The following KCNIP4 variants were observed in gnomAD, a reference collection of about 807,000 sequenced individuals.
The protein encoded by KCNIP4 is potassium voltage-gated channel interacting protein 4.
Under a neutral mutation model 34.0 loss-of-function variants are expected in KCNIP4, and 12 were observed. That is an observed-to-expected ratio of 0.35 (90% CI 0.23 to 0.57). KCNIP4 has a LOEUF of 0.57. Ranked by LOEUF, KCNIP4 falls within the 20% of genes least tolerant of loss-of-function variation. The pLI is 0.83. For missense variants in KCNIP4, 238 were observed against 311.7 expected, an observed-to-expected ratio of 0.76 and a Z score of 1.78; for synonymous variants, 124 against 102.2, an observed-to-expected ratio of 1.21 and a Z score of -1.29.
At chr4:21,860,582 A>G (rs1725014931) in intron 1 of KCNIP4, among the ~76,000 whole-genome samples, 1 of 152,180 alleles carries the variant, frequency 6.6e-6, no homozygotes, top group African/African-American at 2.4e-5. Context: ...TTGATACTTG[A>G]ACAGTGGAAT....
At chr4:20,976,768 C>A (rs961371656) in intron 1 of KCNIP4, among the ~76,000 whole-genome samples, 2 of 152,128 alleles carry the variant, frequency 1.3e-5, no homozygotes, top group Non-Finnish European at 2.9e-5. Context: ...ACTGTGGACC[C>A]ATGGTTGATC....
chr4:21,455,625 GTT>G (rs200924043), intron 1 of KCNIP4, among the ~76,000 whole-genome samples: 4 of 140,040 alleles, frequency 2.9e-5, no homozygotes, highest in African/African-American at 7.8e-5. Context: ...GAAACTGAAG[GTT>G]TTTTTTTTTT....
At chr4:21,703,338 A>G (rs572640651) in intron 1 of KCNIP4, among the ~76,000 whole-genome samples, 1 of 152,318 alleles carries the variant, frequency 6.6e-6, no homozygotes, top group African/African-American at 2.4e-5. Context: ...ATGATTTTCT[A>G]CATACAAAAC....
chr4:21,430,866 C>T (rs991965657), intron 1 of KCNIP4, among the ~76,000 whole-genome samples: 5 of 151,388 alleles, frequency 3.3e-5, no homozygotes, highest in East Asian at 1.9e-4. Context: ...TCATGGAATA[C>T]GAGTGTGGAG....
At chr4:21,073,809 C>G (rs962438966) in intron 1 of KCNIP4, among the ~76,000 whole-genome samples, 4 of 152,088 alleles carry the variant, frequency 2.6e-5, no homozygotes, top group African/African-American at 9.7e-5. Flanking sequence ...GAGATATGAC[C>G]CATCAATACC....
chr4:21,040,426 C>T (rs929125267), intron 1 of KCNIP4, among the ~76,000 whole-genome samples: 4 of 152,038 alleles, frequency 2.6e-5, no homozygotes, highest in African/African-American at 9.7e-5. Flanking sequence ...TGGCTATTTT[C>T]CAGAAATAAT....
intron 1 of KCNIP4, among the ~76,000 whole-genome samples, chr4:21,404,274 A>C (rs987016157): frequency 4.6e-5 from 7 of 152,156 alleles, no homozygotes; most frequent in Non-Finnish European, 8.8e-5. Context: ...AAAAAATTTC[A>C]CTTGTTTATT....
chr4:21,683,290 T>G (rs370862826), intron 1 of KCNIP4, among the ~76,000 whole-genome samples: 22 of 152,092 alleles, frequency 1.4e-4, no homozygotes, highest in African/African-American at 5.1e-4. Context: ...TTACACATTG[T>G]GTCAGGCTCT....
intron 1 of KCNIP4, among the ~76,000 whole-genome samples, chr4:21,533,648 G>GA (rs965953426): frequency 2.6e-5 from 4 of 152,114 alleles, no homozygotes; most frequent in South Asian, 2.1e-4. Context: ...AGGAAAAACA[G>GA]AAAAAAACTT....
intron 1 of KCNIP4, among the ~76,000 whole-genome samples, chr4:20,960,481 C>T (rs1278058241): frequency 6.6e-6 from 1 of 152,188 alleles, no homozygotes; most frequent in Admixed American, 6.5e-5. Flanking sequence ...ACACTTGGCT[C>T]TTGTTCCTGC....
intron 1 of KCNIP4, among the ~76,000 whole-genome samples, chr4:21,522,326 A>G (rs917005958): frequency 2.6e-5 from 4 of 152,122 alleles, no homozygotes; most frequent in Admixed American, 2.6e-4. Context: ...TTAGGCAAAT[A>G]TGTGTAGAGC....
chr4:21,897,962 G>A (rs971799727), intron 1 of KCNIP4, among the ~76,000 whole-genome samples: 3 of 152,052 alleles, frequency 2.0e-5, no homozygotes, highest in Non-Finnish European at 4.4e-5. Context: ...TTGGGGGAGG[G>A]AAAGTGCAGT....
At chr4:20,914,995 G>A (rs1728666538) in intron 1 of KCNIP4, among the ~76,000 whole-genome samples, 1 of 152,150 alleles carries the variant, frequency 6.6e-6, no homozygotes, top group Admixed American at 6.6e-5. Flanking sequence ...CTGAAAGAAT[G>A]CTTACACAAC....
intron 1 of KCNIP4, among the ~76,000 whole-genome samples, chr4:21,467,060 C>A (rs73249599): frequency 0.13 from 17,807 of 137,516 alleles, 1,248 homozygotes; most frequent in South Asian, 0.18. Context: ...CCAAACCAAA[C>A]CAAACCAAAA....
intron 1 of KCNIP4, among the ~76,000 whole-genome samples, chr4:21,833,005 G>C (rs1051910614): frequency 6.8e-6 from 1 of 146,680 alleles, no homozygotes; most frequent in Non-Finnish European, 1.5e-5. Context: ...GGACATTTGG[G>C]TTGGTTCCAA....
chr4:21,505,243 T>C (rs552586019), intron 1 of KCNIP4, among the ~76,000 whole-genome samples: 1 of 151,206 alleles, frequency 6.6e-6, no homozygotes, highest in Non-Finnish European at 1.5e-5. Context: ...CATTGGATTT[T>C]CTTATCACAT....
intron 1 of KCNIP4, among the ~76,000 whole-genome samples, chr4:21,137,505 G>A (rs1297593708): frequency 2.0e-5 from 3 of 152,030 alleles, no homozygotes; most frequent in Non-Finnish European, 4.4e-5. Context: ...AAGAGGCTTT[G>A]TTTGATTCTA....
At chr4:21,328,677 T>C (rs1440821848) in intron 1 of KCNIP4, among the ~76,000 whole-genome samples, 1 of 152,194 alleles carries the variant, frequency 6.6e-6, no homozygotes, top group African/African-American at 2.4e-5. Flanking sequence ...GGCGGCAAGT[T>C]CCACTGGTCC....
chr4:20,977,622 G>A (rs907121235), intron 1 of KCNIP4, among the ~76,000 whole-genome samples: 1 of 152,136 alleles, frequency 6.6e-6, no homozygotes, highest in African/African-American at 2.4e-5. Context: ...AGACTAATCA[G>A]TATCAAGCAC....
Sources: gnomAD v4.1 joint callset for allele counts (sites outside exome capture counted in the v4.1 genomes callset) on GRCh38, gnomAD v4.1.1 for gene constraint, MANE v1.5 for transcripts, NCBI Gene and HGNC (gene_info 2026-07-23, HGNC 2026-07-21) for gene names.